PPP1R12A: variants seen among roughly 807,000 people sequenced by gnomAD.
PPP1R12A encodes the protein myosin binding subunit.
PPP1R12A carries 19 observed loss-of-function variants against 139.6 expected under a neutral mutation model. That is an observed-to-expected ratio of 0.14 (90% CI 0.09 to 0.20). The LOEUF is 0.20. PPP1R12A is among the 10% of genes least tolerant of loss of function. The probability of loss-of-function intolerance (pLI) is 1.00; values close to 1 mark genes in which losing one functional copy is unlikely to be tolerated. For synonymous variants in PPP1R12A, 427 were observed against 420.6 expected (o/e 1.02, Z -0.19); for missense variants, 925 against 1,211.5 (o/e 0.76, Z 3.51).
chr12:79,806,520 C>T (rs1873855797), intron 12 of PPP1R12A, among the ~76,000 whole-genome samples, 187 bp from the exon 13 acceptor site: 1 of 152,140 alleles, frequency 6.6e-6, no homozygotes, highest in Non-Finnish European at 1.5e-5. Flanking sequence ...TCACTTAATT[C>T]GGTAGTGTAT....
intron 22 of PPP1R12A, among the ~76,000 whole-genome samples, chr12:79,784,039 A>G (rs1264843894): frequency 6.6e-6 from 1 of 152,182 alleles, no homozygotes; most frequent in African/African-American, 2.4e-5. Context: ...GCTAAATAGT[A>G]TCAAACAGAC....
intron 1 of PPP1R12A, among the ~76,000 whole-genome samples, chr12:79,927,679 C>A (rs1397595809): frequency 6.6e-6 from 1 of 152,202 alleles, no homozygotes. Flanking sequence ...AATTCCAGCT[C>A]TGCCATTTAT....
rs1194072053 is a variant in PPP1R12A, at chr12:79,913,317, A to G, written c.237+21378T>C. ...CTCATAGTTACCTTCCAGAGTATCT[A>G]TTACTTTTGTATTTCACATTTAGAT... On this transcript the variant is annotated intron_variant, in intron 1 of 24. Transcript: ENST00000450142. 3.3e-5 allele frequency among the ~76,000 whole-genome samples: 5 copies of G among 152,146 alleles called. No individual in the cohort carries two copies. The East Asian group carries it at 5.8e-4, about 18-fold the overall frequency.
At chr12:79,812,387 T>C (rs1405725134) in intron 9 of PPP1R12A, among the ~76,000 whole-genome samples, 1 of 140,042 alleles carries the variant, frequency 7.1e-6, no homozygotes, top group Non-Finnish European at 1.5e-5. Context: ...TGACTCTGTG[T>C]GTGCGTGTGT....
chr12:79,921,932 A>G (rs1191014975), intron 1 of PPP1R12A, among the ~76,000 whole-genome samples: 1 of 152,190 alleles, frequency 6.6e-6, no homozygotes, highest in African/African-American at 2.4e-5. Context: ...ACAAACACAC[A>G]CACACAGAGT....
intron 3 of PPP1R12A, among the ~76,000 whole-genome samples, chr12:79,833,100 G>T (rs1181730208): frequency 6.6e-6 from 1 of 151,940 alleles, no homozygotes; most frequent in African/African-American, 2.4e-5. Context: ...ACTACCCTAG[G>T]TTGAGGTGAT....
At chr12:79,833,186 G>T (rs569927134) in intron 3 of PPP1R12A, among the ~76,000 whole-genome samples, 1 of 151,748 alleles carries the variant, frequency 6.6e-6, no homozygotes, top group Non-Finnish European at 1.5e-5. Context: ...TGGAAGGATC[G>T]CTTGAGCCAG....
At chr12:79,784,673 G>A (rs1486840765) in intron 22 of PPP1R12A, among the ~76,000 whole-genome samples, 2 of 152,096 alleles carry the variant, frequency 1.3e-5, no homozygotes, top group Non-Finnish European at 2.9e-5. Flanking sequence ...GTCTTGCTCT[G>A]TCACCCAGGC....
At position 79,874,391 on chromosome 12, in the gene PPP1R12A, G is replaced by A. The variant is rs183472909; in HGVS notation, c.238-1453C>T. ...TGTTATTTGGTAACATGGGTAAATC[G>A]CTATTATTTTTAAATAGTGTTTTAA... On this transcript the variant is annotated intron_variant, in intron 1 of 24. Transcript: ENST00000450142. Among the ~76,000 whole-genome samples the A allele has an allele frequency of 1.8e-3, 276 of 151,760 alleles. 1 individual carries two copies. Among genetic ancestry groups the A allele is most frequent in the Middle Eastern group, 6.9e-3 (2 of 290 alleles).
intron 2 of PPP1R12A, among the ~76,000 whole-genome samples, chr12:79,851,079 A>C (rs1289071098): frequency 1.3e-5 from 2 of 152,250 alleles, no homozygotes; most frequent in Non-Finnish European, 2.9e-5. Context: ...ACCAATATAC[A>C]AAGTTTTAAA....
At chr12:79,888,248 C>T (rs933430294) in intron 1 of PPP1R12A, among the ~76,000 whole-genome samples, 5 of 152,090 alleles carry the variant, frequency 3.3e-5, no homozygotes, top group African/African-American at 7.2e-5. Flanking sequence ...AACTAAAGTA[C>T]TTAACCAATA....
chr12:79,891,522 T>C (rs982423138), intron 1 of PPP1R12A, among the ~76,000 whole-genome samples: 4 of 152,124 alleles, frequency 2.6e-5, no homozygotes, highest in Non-Finnish European at 4.4e-5. Context: ...CAATGTAAAT[T>C]GAAGAATGTA....
chr12:79,811,965 T>C (rs1874594963), intron 9 of PPP1R12A, among the ~76,000 whole-genome samples: 1 of 152,242 alleles, frequency 6.6e-6, no homozygotes, highest in African/African-American at 2.4e-5. Context: ...AGCTAACATT[T>C]ATTGTTATAA....
chr12:79,800,503 T>C (rs1872982441), intron 14 of PPP1R12A, among the ~76,000 whole-genome samples: 1 of 151,828 alleles, frequency 6.6e-6, no homozygotes, highest in South Asian at 2.1e-4. Context: ...GCTTATGTTA[T>C]TGGTAAGGCT....
At chr12:79,925,957 G>A (rs111968202) in intron 1 of PPP1R12A, among the ~76,000 whole-genome samples, 204 of 151,976 alleles carry the variant, frequency 1.3e-3, no homozygotes, top group Middle Eastern at 3.4e-3. Context: ...TAGAGACACC[G>A]TCTCCCTATA....
chr12:79,854,031 T>C (rs1468626754), intron 2 of PPP1R12A, among the ~76,000 whole-genome samples: 9 of 152,216 alleles, frequency 5.9e-5, no homozygotes, highest in African/African-American at 2.2e-4. Context: ...TCGTATCTGT[T>C]GACCTTAACT....
At chr12:79,907,082 C>A (rs1886191837) in intron 1 of PPP1R12A, among the ~76,000 whole-genome samples, 1 of 152,078 alleles carries the variant, frequency 6.6e-6, no homozygotes, top group South Asian at 2.1e-4. Context: ...CTCTATCTCC[C>A]CTCACTCAAA....
At chr12:79,933,468 C>T (rs1888403676) in intron 1 of PPP1R12A, among the ~76,000 whole-genome samples, 1 of 152,126 alleles carries the variant, frequency 6.6e-6, no homozygotes, top group Non-Finnish European at 1.5e-5. Flanking sequence ...GTTTTTACTA[C>T]AACATTATTC....
chr12:79,884,298 T>C (rs1386379868), intron 1 of PPP1R12A, among the ~76,000 whole-genome samples: 1 of 152,184 alleles, frequency 6.6e-6, no homozygotes, highest in Non-Finnish European at 1.5e-5. Flanking sequence ...ATTTTGATTT[T>C]AAATGTATAT....
Sources: gnomAD v4.1 joint callset for allele counts (sites outside exome capture counted in the v4.1 genomes callset) on GRCh38, gnomAD v4.1.1 for gene constraint, MANE v1.5 for transcripts, NCBI Gene and HGNC (gene_info 2026-07-23, HGNC 2026-07-21) for gene names.